The following SGCZ variants were observed in gnomAD, a reference collection of about 807,000 sequenced individuals.
The protein encoded by SGCZ is sarcoglycan zeta.
SGCZ carries 40 observed loss-of-function variants against 41.3 expected under a neutral mutation model. That is an observed-to-expected ratio of 0.97 (90% CI 0.75 to 1.26). SGCZ has a LOEUF of 1.26. Among genes scored for constraint, SGCZ ranks in the 50% most tolerant of loss-of-function variants. The pLI is 0.00. For synonymous variants in SGCZ, 206 were observed against 137.5 expected (o/e 1.50, Z -3.49); for missense variants, 552 against 369.8 (o/e 1.49, Z -4.04).
At chr8:14,803,072 T>A (rs35770515) in intron 1 of SGCZ, among the ~76,000 whole-genome samples, 38 of 151,824 alleles carry the variant, frequency 2.5e-4, no homozygotes, top group Admixed American at 1.6e-3. Context: ...TATTACTAAA[T>A]TATTTTACCA....
At chr8:14,893,968 C>A (rs1018645203) in intron 1 of SGCZ, among the ~76,000 whole-genome samples, 14 of 152,106 alleles carry the variant, frequency 9.2e-5, no homozygotes, top group Non-Finnish European at 2.1e-4. Context: ...CTGTTTGTAA[C>A]ACTTTTTAAC....
intron 1 of SGCZ, among the ~76,000 whole-genome samples, chr8:14,935,256 A>G (rs1315351570): frequency 6.6e-6 from 1 of 151,742 alleles, no homozygotes; most frequent in Non-Finnish European, 1.5e-5. Flanking sequence ...TTTCATATAC[A>G]TGGTATCACA....
At chr8:14,193,881 T>C (rs1805184393) in intron 4 of SGCZ, among the ~76,000 whole-genome samples, 1 of 151,804 alleles carries the variant, frequency 6.6e-6, no homozygotes, top group Non-Finnish European at 1.5e-5. Context: ...GTTTTAGGAG[T>C]CATTTTGATT....
At chr8:14,543,653 G>A (rs763164621) in intron 2 of SGCZ, among the ~76,000 whole-genome samples, 12 of 152,004 alleles carry the variant, frequency 7.9e-5, no homozygotes, top group African/African-American at 1.9e-4. Context: ...GAGGAATCAC[G>A]GATCCTACTT....
chr8:15,133,691 C>T (rs989230723), intron 1 of SGCZ, among the ~76,000 whole-genome samples: 1 of 152,062 alleles, frequency 6.6e-6, no homozygotes, highest in African/African-American at 2.4e-5. Flanking sequence ...TGTAATTTAA[C>T]AAAAATGACA....
chr8:14,927,682 A>G (rs1016448314), intron 1 of SGCZ, among the ~76,000 whole-genome samples: 1 of 152,188 alleles, frequency 6.6e-6, no homozygotes, highest in African/African-American at 2.4e-5. Context: ...TAACTTTACT[A>G]TGCAGTTATT....
chr8:14,231,765 T>C (rs192590349), intron 4 of SGCZ, among the ~76,000 whole-genome samples: 121 of 152,306 alleles, frequency 7.9e-4, no homozygotes, highest in African/African-American at 2.8e-3. Context: ...TTAAACAAAA[T>C]GTACATTTTA....
chr8:15,202,910 A>T, intron 1 of SGCZ, among the ~76,000 whole-genome samples: 1 of 152,208 alleles, frequency 6.6e-6, no homozygotes, highest in Middle Eastern at 3.4e-3. Context: ...CGGGAGTTCA[A>T]GACCAGCCTG....
intron 2 of SGCZ, among the ~76,000 whole-genome samples, chr8:14,389,969 A>G (rs1563298039): frequency 6.6e-6 from 1 of 151,962 alleles, no homozygotes; most frequent in Non-Finnish European, 1.5e-5. Flanking sequence ...AGAAACGAAG[A>G]CGGGGGATTT....
intron 1 of SGCZ, among the ~76,000 whole-genome samples, chr8:14,571,720 G>A (rs1371317210): frequency 1.3e-5 from 2 of 152,050 alleles, no homozygotes; most frequent in Non-Finnish European, 2.9e-5. Flanking sequence ...AATTAGTGAC[G>A]TTTGTATATT....
At chr8:14,127,236 G>A (rs187462330) in intron 5 of SGCZ, among the ~76,000 whole-genome samples, 19 of 152,202 alleles carry the variant, frequency 1.2e-4, no homozygotes, top group South Asian at 2.1e-4. Context: ...TCTGGTTCCC[G>A]TTCTGCCACT....
rs79802801 is a variant in SGCZ at position 14,130,454 on chromosome 8, C to G, written c.548-22219G>C. On this transcript the variant is annotated intron_variant, in intron 5 of 7. Coordinates refer to ENST00000382080, the MANE Select transcript of SGCZ (RefSeq NM_139167.4). ...TCCACGATGTGAGCAAGATAGCTGACTAGGGGTTCCTGCCATGTTTATTCC... is the reference window on the plus strand; with the variant it reads ...TCCACGATGTGAGCAAGATAGCTGAGTAGGGGTTCCTGCCATGTTTATTCC... Among the ~76,000 whole-genome samples, 511 of 151,796 alleles carry G rather than the reference C, an allele frequency of 3.4e-3. 5 individuals carry two copies. Among genetic ancestry groups the G allele is most frequent in the Middle Eastern group, 0.024 (7 of 294 alleles).
intron 1 of SGCZ, among the ~76,000 whole-genome samples, chr8:15,033,151 T>C (rs954396619): frequency 2.0e-5 from 3 of 149,410 alleles, no homozygotes; most frequent in African/African-American, 7.4e-5. Flanking sequence ...CCCATCCCAC[T>C]AGACCCCAAG....
At chr8:14,371,402 T>A (rs1803904683) in intron 2 of SGCZ, among the ~76,000 whole-genome samples, 1 of 152,138 alleles carries the variant, frequency 6.6e-6, no homozygotes, top group Non-Finnish European at 1.5e-5. Context: ...GTATTAGCAA[T>A]AACCTTTGCT....
At chr8:14,400,770 A>G (rs560348336) in intron 2 of SGCZ, among the ~76,000 whole-genome samples, 1 of 147,532 alleles carries the variant, frequency 6.8e-6, no homozygotes, top group Non-Finnish European at 1.5e-5. Context: ...ATTTTTTTTT[A>G]CAGAAAAGTA....
intron 2 of SGCZ, among the ~76,000 whole-genome samples, chr8:14,528,827 C>CAAAAAAAAAAAAAAAAAA (rs760788606): frequency 3.8e-5 from 2 of 52,704 alleles, no homozygotes; most frequent in African/African-American, 1.1e-4. Context: ...ACGGACCAGC[C>CAAAAAAAAAAAAAAAAAA]AAAAAAAAAA....
intron 4 of SGCZ, among the ~76,000 whole-genome samples, chr8:14,196,132 T>C (rs1369917542): frequency 6.6e-6 from 1 of 152,064 alleles, no homozygotes; most frequent in Non-Finnish European, 1.5e-5. Flanking sequence ...TCTATTGAAA[T>C]GGTATAATAT....
intron 1 of SGCZ, among the ~76,000 whole-genome samples, chr8:15,095,678 G>A (rs1806321166): frequency 6.6e-6 from 1 of 152,014 alleles, no homozygotes; most frequent in South Asian, 2.1e-4. Flanking sequence ...TCAGCCAAAA[G>A]CCCATTGACC....
At chr8:14,926,893 C>G (rs996331803) in intron 1 of SGCZ, among the ~76,000 whole-genome samples, 9 of 152,168 alleles carry the variant, frequency 5.9e-5, no homozygotes, top group African/African-American at 1.9e-4. Flanking sequence ...CCAGCCTTAG[C>G]CTCCCAAAGT....
Sources: gnomAD v4.1 joint callset for allele counts (sites outside exome capture counted in the v4.1 genomes callset) on GRCh38, gnomAD v4.1.1 for gene constraint, MANE v1.5 for transcripts, NCBI Gene and HGNC (gene_info 2026-07-23, HGNC 2026-07-21) for gene names.